The following KLC2 variants were observed in gnomAD, a reference collection of about 807,000 sequenced individuals.
KLC2 encodes the protein kinesin light chain 2.
A neutral mutation model predicts 75.1 loss-of-function variants in KLC2; 35 were observed. The observed-to-expected ratio is 0.47, with a 90% CI of 0.36 to 0.62. The LOEUF is 0.62. KLC2 is among the 20% of genes least tolerant of loss of function. The pLI is 0.00. For synonymous variants in KLC2, 314 were observed against 336.7 expected (o/e 0.93, Z 0.74); for missense variants, 611 against 833.2 (o/e 0.73, Z 3.28).
rs1176870125 is a variant in KLC2, at chr11:66,267,337, G to A, written c.*381G>A. 2.6e-6 allele frequency: 2 copies of A among 760,620 alleles called. No individual in the cohort carries two copies. Among genetic ancestry groups the A allele is most frequent in the South Asian group, 1.5e-5 (1 of 68,382 alleles). 47.1% of individuals were successfully genotyped at this position (760,620 alleles called of 1,614,324 possible). A position where few individuals can be genotyped will look rare whatever the true frequency, so the allele number is the denominator to read the frequency against. On this transcript the variant is annotated 3_prime_UTR_variant, in exon 16 of 16. Coordinates refer to ENST00000394067, the MANE Select transcript of KLC2 (RefSeq NM_001318734.2). ...CCGACTCAACCCGGCCGTTGCTTCTGTATATAGAGAAATAAGTTATTGGCC... is the reference window on the plus strand; with the variant it reads ...CCGACTCAACCCGGCCGTTGCTTCTATATATAGAGAAATAAGTTATTGGCC...
At chr11:66,252,536 T>C (rs933974452), upstream of KLC2, among the ~76,000 whole-genome samples, 3 of 150,120 alleles carry the variant, frequency 2.0e-5, no homozygotes, top group African/African-American at 7.3e-5. Flanking sequence ...GTGCTGGGAT[T>C]ACAGGCGTGA....
At chr11:66,256,108 A>G (rs1856024851), upstream of KLC2, among the ~76,000 whole-genome samples, 1 of 152,050 alleles carries the variant, frequency 6.6e-6, no homozygotes, top group African/African-American at 2.4e-5. Context: ...AGTATCTGCT[A>G]TCCGGAAAAA....
chr11:66,265,376 T>C lies in KLC2; in HGVS notation c.1334+141T>C, dbSNP rs572046643. On this transcript the variant is annotated intron_variant, in intron 11 of 15. Coordinates refer to ENST00000394067, the MANE Select transcript of KLC2 (RefSeq NM_001318734.2). ...CAGGTCACCTGTCCCAAGAAGGCTCTGTCTCCCAATTCTCAGCCTAATTCT... is the reference window on the plus strand; with the variant it reads ...CAGGTCACCTGTCCCAAGAAGGCTCCGTCTCCCAATTCTCAGCCTAATTCT... The C allele has an allele frequency of 1.2e-4, 89 of 759,820 alleles. 2 individuals are homozygous for C. In the African/African-American group the frequency reaches 1.2e-3, roughly 10 times the overall value. 47.1% of individuals were successfully genotyped at this position (759,820 alleles called of 1,614,324 possible).
intron 7 of KLC2, 25 bp from the exon 8 acceptor site, chr11:66,264,021 C>G (rs368537117): frequency 6.2e-7 from 1 of 1,609,806 alleles, no homozygotes; most frequent in Admixed American, 1.7e-5. Context: ...CTGAGCCCAA[C>G]CCCTGGCTCC....
chr11:66,256,976 G>C (rs951235059), upstream of KLC2, among the ~76,000 whole-genome samples: 1 of 152,200 alleles, frequency 6.6e-6, no homozygotes, highest in African/African-American at 2.4e-5. Flanking sequence ...GTAGGACTGA[G>C]TGAAGGGACC....
Position 66,258,747 on chromosome 11 carries a change from G to A in KLC2, c.153G>A (p.Glu51=). 2 of 1,613,620 alleles carry A rather than the reference G, an allele frequency of 1.2e-6. No individual in the cohort carries two copies. The highest frequency in any genetic ancestry group is 1.1e-5 in the South Asian group (1 of 91,086). The change falls in exon 2 of 16, where the codon GAG becomes GAA. Residue 51 remains glutamate, a synonymous_variant. Coordinates refer to ENST00000394067, the MANE Select transcript of KLC2 (RefSeq NM_001318734.2). ...PLVAPEAGEA[E]PGSQERCILL... ...TTGCACCTGAGGCCGGCGAAGCCGA[G>A]CCTGGCTCGCAGGAGCGCTGCATCC...
chr11:66,261,780 A>C lies in KLC2; in HGVS notation c.267A>C (p.Glu89Asp), dbSNP rs1233794730. Residue 89 changes from glutamate (E) to aspartate (D), a missense_variant, in exon 3 of 16, where the codon GAA becomes GAC. By Grantham distance (45) the Glu-to-Asp change is conservative. Coordinates refer to ENST00000394067, the MANE Select transcript of KLC2 (RefSeq NM_001318734.2). ...LALSSHLGAV[E>D]SEKQKLRAQV... ...TGTCGAGCCACCTGGGGGCTGTAGA[A>C]TCAGAGAAGCAGAAGCTGCGGGCGC... is the stretch of plus-strand genomic sequence containing the variant. 6 of 1,612,580 alleles carry C rather than the reference A, an allele frequency of 3.7e-6. No individual in the cohort carries two copies. The Admixed American group carries it at 8.3e-5, about 22-fold the overall frequency.
At chr11:66,264,696 T>C in intron 9 of KLC2, 1 of 584,278 alleles carries the variant, frequency 1.7e-6, no homozygotes, top group Non-Finnish European at 3.1e-6. Flanking sequence ...CTGGCGATTC[T>C]TGCTCACCTT....
In KLC2 at chr11:66,261,920, A is replaced by G; in HGVS notation, c.407A>G (p.His136Arg). ...AVAQLEEEKQ[H>R]LLFMSQIRKL... is the part of the protein sequence containing the mutation. The stretch of plus-strand genomic sequence containing the variant: ...GCCCAGCTCGAGGAGGAGAAGCAGC[A>G]CTTGCTGTTCATGAGCCAGATCCGC... Residue 136 changes from histidine to arginine, a missense_variant, in exon 3 of 16, where the codon CAC becomes CGC. His to Arg is a conservative substitution (Grantham distance 29). Transcript: ENST00000394067. The G allele has an allele frequency of 6.2e-7, 1 of 1,614,204 alleles. No individual in the cohort carries two copies. Among genetic ancestry groups the G allele is most frequent in the Non-Finnish European group, 8.5e-7 (1 of 1,180,028 alleles).
At chr11:66,250,667 CAAG>C in the KLC2 span, among the ~76,000 whole-genome samples, 1 of 152,102 alleles carries the variant, frequency 6.6e-6, no homozygotes, top group African/African-American at 2.4e-5. Flanking sequence ...AAGAGGTGTC[CAAG>C]AAGATGTCCC....
rs771544418 is a variant in KLC2 at position 66,266,469 on chromosome 11, G to A, written c.1764G>A (p.Lys588=). ...CCAGTTCCCTCAACTTCCTCAACAA[G>A]AGCGTGGAAGAGCCGACCCAGGTAG... The part of the protein sequence containing the change: ...KRASSLNFLN[K]SVEEPTQPGG... The change falls in exon 15 of 16, where the codon AAG becomes AAA. Residue 588 remains lysine, a synonymous_variant. Coordinates refer to ENST00000394067, the MANE Select transcript of KLC2 (RefSeq NM_001318734.2). 7 of 1,613,404 alleles carry A rather than the reference G, an allele frequency of 4.3e-6. No homozygotes were observed. The African/African-American group carries it at 8.0e-5, about 18-fold the overall frequency.
intron 9 of KLC2, 83 bp from the exon 10 acceptor site, chr11:66,264,940 C>A: frequency 1.4e-6 from 2 of 1,392,204 alleles, no homozygotes; most frequent in South Asian, 1.2e-5. Context: ...GTGGTCTCCC[C>A]TCCCCTGACC....
the KLC2 span, among the ~76,000 whole-genome samples, chr11:66,247,253 C>T: frequency 6.6e-6 from 1 of 152,202 alleles, no homozygotes; most frequent in Non-Finnish European, 1.5e-5. Context: ...ATTATCCCTG[C>T]TCCCACCCTC....
the KLC2 span, among the ~76,000 whole-genome samples, chr11:66,252,148 T>C: frequency 6.6e-6 from 1 of 152,208 alleles, no homozygotes; most frequent in Non-Finnish European, 1.5e-5. Context: ...AGCTGCCCCG[T>C]ATTTCTCATT....
At chr11:66,256,033 T>C (rs997684172), upstream of KLC2, among the ~76,000 whole-genome samples, 1 of 152,102 alleles carries the variant, frequency 6.6e-6, no homozygotes, top group Non-Finnish European at 1.5e-5. Flanking sequence ...CCCAAAGTGT[T>C]GGGATTACAG....
the KLC2 span, among the ~76,000 whole-genome samples, chr11:66,248,338 G>T: frequency 6.6e-6 from 1 of 152,086 alleles, no homozygotes; most frequent in Non-Finnish European, 1.5e-5. Context: ...TCCCTATTTT[G>T]GCCGGGCACG....
At chr11:66,248,130 C>T in the KLC2 span, among the ~76,000 whole-genome samples, 3 of 152,202 alleles carry the variant, frequency 2.0e-5, no homozygotes, top group Non-Finnish European at 2.9e-5. Flanking sequence ...TCTATCTAAC[C>T]TGCACGCCAA....
chr11:66,249,177 CTGGA>C, the KLC2 span, among the ~76,000 whole-genome samples: 6 of 152,180 alleles, frequency 3.9e-5, no homozygotes, highest in Non-Finnish European at 2.9e-5. Context: ...CTTCTCGTGG[CTGGA>C]TGGAGGTTAT....
In KLC2 at chr11:66,265,970, G is replaced by A. The variant is rs1235930834; in HGVS notation, c.1560G>A (p.Glu520=). Residue 520 remains glutamate (E), a synonymous_variant, in exon 13 of 16, where the codon GAG becomes GAA. Transcript: ENST00000394067. The part of the protein sequence containing the change: ...DMAGGAGPRS[E]SDLEDVGPTA... ...CTGGGGGTGCCGGGCCTCGGTCTGA[G>A]TCTGACCTCGAGGACGTGGGACCTA... is the stretch of plus-strand genomic sequence containing the variant. 6.2e-7 allele frequency: 1 copy of A among 1,609,278 alleles called. No individual in the cohort carries two copies. Among genetic ancestry groups the A allele is most frequent in the Admixed American group, 1.7e-5 (1 of 59,692 alleles).
Sources: gnomAD v4.1 joint callset for allele counts (sites outside exome capture counted in the v4.1 genomes callset) on GRCh38, gnomAD v4.1.1 for gene constraint, MANE v1.5 for transcripts, NCBI Gene and HGNC (gene_info 2026-07-23, HGNC 2026-07-21) for gene names.